CA8: variants seen among roughly 807,000 people sequenced by gnomAD.
CA8 encodes the protein carbonic anhydrase 8 (inactive).
A neutral mutation model predicts 41.4 loss-of-function variants in CA8; 22 were observed. The ratio of observed to expected loss-of-function variants is 0.53; its 90% CI spans 0.38 to 0.76. The LOEUF is 0.76. CA8 is among the 30% of genes least tolerant of loss of function. CA8 has a pLI of 0.00. For synonymous variants in CA8, 121 were observed against 130.6 expected, an observed-to-expected ratio of 0.93 and a Z score of 0.50; for missense variants, 270 against 352.8, an observed-to-expected ratio of 0.77 and a Z score of 1.88.
Position 60,232,181 on chromosome 8 carries a change from T to C in CA8, c.513+103A>G, listed in dbSNP as rs189339509. Reference sequence around the variant, plus strand: ...TTATCAGGTGTTCTCTCTATGTGTGTAATTTCATCTCTAAGCAATAAAATT... The same window carrying C: ...TTATCAGGTGTTCTCTCTATGTGTGCAATTTCATCTCTAAGCAATAAAATT... On this transcript the variant is annotated intron_variant, in intron 4 of 8. Coordinates refer to ENST00000317995, the MANE Select transcript of CA8 (RefSeq NM_004056.6). 57 of 835,292 alleles carry C rather than the reference T, an allele frequency of 6.8e-5. 1 individual carries two copies. Among genetic ancestry groups the C allele is most frequent in the Admixed American group, 6.8e-4 (36 of 52,998 alleles). The allele number at this position is 835,292 out of a possible 1,614,324, so 51.7% of individuals were successfully genotyped here. A position where few individuals can be genotyped will look rare whatever the true frequency, so the allele number is the denominator to read the frequency against.
At chr8:60,221,710 G>C (rs1454282356) in intron 7 of CA8, among the ~76,000 whole-genome samples, 3 of 152,226 alleles carry the variant, frequency 2.0e-5, no homozygotes, top group African/African-American at 7.2e-5. Flanking sequence ...ATGGGGAGGA[G>C]AGGCTGAGTG....
chr8:60,240,646 A>G (rs1807992563), intron 3 of CA8, among the ~76,000 whole-genome samples: 3 of 151,980 alleles, frequency 2.0e-5, no homozygotes, highest in Admixed American at 1.3e-4. Context: ...GACACTATAG[A>G]GTATAGCTTC....
rs896343058 is a variant in CA8, at chr8:60,185,953, T to A, written c.*4068A>T. On this transcript the variant is annotated 3_prime_UTR_variant, in exon 9 of 9. Coordinates refer to ENST00000317995, the MANE Select transcript of CA8 (RefSeq NM_004056.6). ...AAGAGCAATTGTATAAAATATCATG[T>A]AATTATGCTTTAGACCCAGAACATA... is the stretch of plus-strand genomic sequence containing the variant. Among the ~76,000 whole-genome samples the A allele has an allele frequency of 6.6e-6, 1 of 152,004 alleles. No individual in the cohort carries two copies. Among genetic ancestry groups the A allele is most frequent in the East Asian group, 1.9e-4 (1 of 5,198 alleles).
intron 2 of CA8, among the ~76,000 whole-genome samples, chr8:60,278,037 G>A (rs1457133197): frequency 6.6e-6 from 1 of 152,200 alleles, no homozygotes; most frequent in African/African-American, 2.4e-5. Context: ...CAAAATGCTA[G>A]GTGAGGAAGA....
chr8:60,219,408 G>C (rs951161615), intron 7 of CA8, among the ~76,000 whole-genome samples: 1 of 152,014 alleles, frequency 6.6e-6, no homozygotes, highest in Non-Finnish European at 1.5e-5. Context: ...TGCCCGCCTG[G>C]GCCTCCCAAA....
intron 3 of CA8, among the ~76,000 whole-genome samples, chr8:60,233,032 T>C (rs1341896552): frequency 4.6e-5 from 7 of 152,214 alleles, no homozygotes; most frequent in Admixed American, 4.6e-4. Flanking sequence ...CATAAAGCTT[T>C]GCAGCTTTCA....
At chr8:60,225,987 T>C (rs1266621529) in intron 5 of CA8, among the ~76,000 whole-genome samples, 1 of 152,202 alleles carries the variant, frequency 6.6e-6, no homozygotes, top group Non-Finnish European at 1.5e-5. Context: ...CTGGGCGTGG[T>C]GGTGGCATTG....
At chr8:60,210,427 A>C (rs185765976) in intron 7 of CA8, among the ~76,000 whole-genome samples, 34 of 152,320 alleles carry the variant, frequency 2.2e-4, no homozygotes, top group East Asian at 1.9e-3. Context: ...TAGAGACTTT[A>C]GGGGGCCCAC....
chr8:60,209,270 G>A (rs1004482644), intron 7 of CA8, among the ~76,000 whole-genome samples: 8 of 152,162 alleles, frequency 5.3e-5, no homozygotes, highest in Admixed American at 1.3e-4. Flanking sequence ...CAGGTCACAA[G>A]GTCAAGAGTT....
chr8:60,232,932 T>C (rs1432361671), intron 3 of CA8, among the ~76,000 whole-genome samples: 1 of 152,172 alleles, frequency 6.6e-6, no homozygotes, highest in Non-Finnish European at 1.5e-5. Flanking sequence ...TGTAAATCTC[T>C]AAAAGAAGGC....
At chr8:60,215,181 T>C (rs1171182596) in intron 7 of CA8, among the ~76,000 whole-genome samples, 1 of 152,208 alleles carries the variant, frequency 6.6e-6, no homozygotes. Context: ...ATTTCTGTTG[T>C]TAGATTTGGT....
intron 3 of CA8, among the ~76,000 whole-genome samples, chr8:60,241,621 T>C (rs536097057): frequency 2.0e-5 from 3 of 152,234 alleles, no homozygotes; most frequent in African/African-American, 7.2e-5. Context: ...GGTGCAGTCA[T>C]AGATCAAAGA....
At chr8:60,206,192 A>G (rs1432946278) in intron 8 of CA8, among the ~76,000 whole-genome samples, 1 of 152,230 alleles carries the variant, frequency 6.6e-6, no homozygotes, top group Admixed American at 6.5e-5. Flanking sequence ...CTCAGCCACC[A>G]AAGTAAGAAC....
intron 8 of CA8, among the ~76,000 whole-genome samples, chr8:60,205,170 C>T (rs959156390): frequency 2.0e-5 from 3 of 151,912 alleles, no homozygotes; most frequent in Admixed American, 6.6e-5. Context: ...TCTTTTTTAA[C>T]GTATTTAGGG....
rs962007674 is a variant in CA8, at chr8:60,186,904, T to G, written c.*3117A>C. 2.6e-5 allele frequency among the ~76,000 whole-genome samples: 4 copies of G among 152,024 alleles called. No individual in the cohort carries two copies. The highest frequency in any genetic ancestry group is 7.2e-5 in the African/African-American group (3 of 41,440). ...ACAACAGTCAGAGAATTCAATACACTACTTTCATAATAGACAGAAATAGGC... is the reference window on the plus strand; with the variant it reads ...ACAACAGTCAGAGAATTCAATACACGACTTTCATAATAGACAGAAATAGGC... On this transcript the variant is annotated 3_prime_UTR_variant, in exon 9 of 9. Transcript: ENST00000317995.
At chr8:60,247,866 C>T (rs759353236) in intron 3 of CA8, among the ~76,000 whole-genome samples, 1 of 152,200 alleles carries the variant, frequency 6.6e-6, no homozygotes, top group Non-Finnish European at 1.5e-5. Context: ...TTTACATTCA[C>T]AACAACAGCA....
At chr8:60,251,455 G>A (rs1374759434) in intron 3 of CA8, among the ~76,000 whole-genome samples, 3 of 152,188 alleles carry the variant, frequency 2.0e-5, no homozygotes. Flanking sequence ...AACCACTCAC[G>A]CATTCAGCGT....
intron 3 of CA8, among the ~76,000 whole-genome samples, chr8:60,246,606 G>C (rs1244994898): frequency 2.6e-5 from 4 of 152,036 alleles, no homozygotes; most frequent in African/African-American, 9.7e-5. Context: ...CCACACATTT[G>C]TGATAGAAAT....
intron 8 of CA8, among the ~76,000 whole-genome samples, chr8:60,193,803 T>C (rs1806202267): frequency 6.6e-6 from 1 of 152,198 alleles, no homozygotes; most frequent in Admixed American, 6.5e-5. Context: ...GGGAATTCAG[T>C]GGATTCTTTC....
Sources: allele counts gnomAD v4.1 joint callset (sites outside exome capture counted in the v4.1 genomes callset), GRCh38; gene constraint gnomAD v4.1.1; transcripts MANE v1.5; gene names NCBI Gene and HGNC (gene_info 2026-07-23, HGNC 2026-07-21).